DOCK5: variants seen among roughly 807,000 people sequenced by gnomAD.
DOCK5 encodes the protein dedicator of cytokinesis 5.
Under a neutral mutation model 251.8 loss-of-function variants are expected in DOCK5, and 142 were observed. The ratio of observed to expected loss-of-function variants is 0.56; its 90% CI spans 0.49 to 0.65. The LOEUF (loss-of-function observed/expected upper bound fraction) is 0.65, where lower values mean the gene tolerates loss of function less well. Among genes scored for constraint, DOCK5 ranks in the 30% least tolerant of loss-of-function variants. The pLI, the probability that DOCK5 is intolerant of heterozygous loss-of-function variation, is 0.00. For missense variants in DOCK5, 2,111 were observed against 2,312.3 expected (o/e 0.91, Z 1.79); for synonymous variants, 842 against 835.5 (o/e 1.01, Z -0.13).
rs1450296430 is a variant in DOCK5, at chr8:25,184,749, C to A, written c.-160C>A. ...CGGGCGGCGCGGGCACGGGCACGGG[C>A]GCGGGCGGCGCGGCGAGGAGGCGGC... On this transcript the variant is annotated 5_prime_UTR_variant, in exon 1 of 52. Coordinates refer to ENST00000276440, the MANE Select transcript of DOCK5 (RefSeq NM_024940.8). 7.7e-6 allele frequency: 4 copies of A among 519,062 alleles called. No individual in the cohort carries two copies. The highest frequency in any genetic ancestry group is 8.2e-6 in the Non-Finnish European group (3 of 365,564). 32.2% of individuals were successfully genotyped at this position (519,062 alleles called of 1,614,324 possible).
chr8:25,370,541 G>A (rs1410300828), intron 34 of DOCK5, among the ~76,000 whole-genome samples: 1 of 152,148 alleles, frequency 6.6e-6, no homozygotes, highest in Non-Finnish European at 1.5e-5. Context: ...GTCTCTCTCT[G>A]TTGCCCAGGC....
intron 48 of DOCK5, 114 bp downstream of exon 48, chr8:25,403,838 C>CTTCCTCATGACA: frequency 4.5e-6 from 5 of 1,102,722 alleles, no homozygotes; most frequent in Non-Finnish European, 5.2e-6. Flanking sequence ...TTCTCATTGT[C>CTTCCTCATGACA]TTCCTCATGA....
intron 45 of DOCK5, among the ~76,000 whole-genome samples, chr8:25,397,848 C>T (rs1377374635): frequency 3.3e-5 from 5 of 152,138 alleles, no homozygotes; most frequent in African/African-American, 9.7e-5. Flanking sequence ...TACATACATA[C>T]ATACGTACAT....
At chr8:25,402,205 G>A (rs1269730572) in intron 47 of DOCK5, among the ~76,000 whole-genome samples, 1 of 152,080 alleles carries the variant, frequency 6.6e-6, no homozygotes, top group African/African-American at 2.4e-5. Context: ...ACAGCTCACT[G>A]CAGCCTTGAC....
chr8:25,387,187 T>TC, intron 40 of DOCK5, among the ~76,000 whole-genome samples: 1 of 21,050 alleles, frequency 4.8e-5, no homozygotes, highest in Non-Finnish European at 1.2e-4. Flanking sequence ...GACCAGTGAC[T>TC]TTTTTTTTTT....
chr8:25,291,945 C>T lies in DOCK5; in HGVS notation c.322-79C>T, dbSNP rs1804499714. 7 of 1,283,290 alleles carry T rather than the reference C, an allele frequency of 5.5e-6. No individual in the cohort carries two copies. In the South Asian group the frequency reaches 1.3e-4, roughly 23 times the overall value. 79.5% of individuals were successfully genotyped at this position (1,283,290 alleles called of 1,614,324 possible). ...GTCTGACATTCCCGTTAAAAACAAA[C>T]AAATAAAAAAAGGATGTTCCCATCC... On this transcript the variant is annotated intron_variant, in intron 5 of 51. Transcript: ENST00000276440.
chr8:25,385,936 A>G (rs1365113245), intron 40 of DOCK5, among the ~76,000 whole-genome samples: 1 of 152,212 alleles, frequency 6.6e-6, no homozygotes, highest in Non-Finnish European at 1.5e-5. Context: ...CTATGCAGCT[A>G]TCAAGAGGTT....
rs151019643 is a variant in DOCK5, at chr8:25,319,657, G to C, written c.1523G>C (p.Cys508Ser). The change falls in exon 15 of 52, where the codon TGT (cysteine) becomes TCT (serine). Residue 508 changes from cysteine to serine, a missense_variant. Coordinates refer to ENST00000276440, the MANE Select transcript of DOCK5 (RefSeq NM_024940.8). ...SVVYYQVKQP[C>S]WYETVKVSIA... Reference sequence around the variant, plus strand: ...GTCTATTACCAAGTCAAGCAGCCCTGTTGGTATGAGACTGTCAAGGTGAGA... The same window carrying C: ...GTCTATTACCAAGTCAAGCAGCCCTCTTGGTATGAGACTGTCAAGGTGAGA... 9 of 1,585,384 alleles carry C rather than the reference G, an allele frequency of 5.7e-6. No homozygotes were observed. The African/African-American group carries it at 1.2e-4, about 21-fold the overall frequency.
At chr8:25,400,892 G>A in intron 46 of DOCK5, 37 bp from the exon 47 acceptor site, 1 of 1,611,504 alleles carries the variant, frequency 6.2e-7, no homozygotes, top group Non-Finnish European at 8.5e-7. Context: ...CCCTCTTCCT[G>A]AAGCACACTG....
Position 25,275,422 on chromosome 8 carries a change from G to T in DOCK5, c.205G>T (p.Ala69Ser). 6.2e-7 allele frequency: 1 copy of T among 1,610,370 alleles called. No homozygotes were observed. Among genetic ancestry groups the T allele is most frequent in the Non-Finnish European group, 8.5e-7 (1 of 1,178,912 alleles). Reference protein sequence around the residue: ...FPETYIHLKEATVEDLGQHET... With the variant: ...FPETYIHLKESTVEDLGQHET... ...TGAAACATATATCCATTTGAAAGAGGCAACTGTGGAAGACCTGGGGTAAGT... is the reference window on the plus strand; with the variant it reads ...TGAAACATATATCCATTTGAAAGAGTCAACTGTGGAAGACCTGGGGTAAGT... The change falls in exon 4 of 52, where the codon GCA (alanine) becomes TCA (serine). Residue 69 changes from alanine to serine, a missense_variant. Ala to Ser is a moderately conservative substitution (Grantham distance 99, BLOSUM62 1). This residue lies in a region of DOCK5 where 335 missense variants were observed against 324.9 expected (regional missense o/e 1.03). Transcript: ENST00000276440.
At chr8:25,206,683 T>G (rs1409420237) in intron 1 of DOCK5, among the ~76,000 whole-genome samples, 6 of 152,190 alleles carry the variant, frequency 3.9e-5, no homozygotes, top group African/African-American at 1.4e-4. Context: ...TGTCCCTGGA[T>G]GGACACACTA....
chr8:25,354,656 T>C (rs983324478), intron 27 of DOCK5, among the ~76,000 whole-genome samples: 9 of 151,904 alleles, frequency 5.9e-5, no homozygotes, highest in African/African-American at 2.2e-4. Context: ...GAGGGGAAAA[T>C]GTACAGACAG....
intron 38 of DOCK5, among the ~76,000 whole-genome samples, chr8:25,380,097 C>T (rs1486960300): frequency 6.6e-6 from 1 of 152,166 alleles, no homozygotes; most frequent in Non-Finnish European, 1.5e-5. Flanking sequence ...AGAAGACGCC[C>T]CTGGCAAAGC....
chr8:25,384,747 A>G (rs918680095), intron 40 of DOCK5, among the ~76,000 whole-genome samples: 11 of 151,952 alleles, frequency 7.2e-5, no homozygotes, highest in Non-Finnish European at 1.3e-4. Context: ...GGCATGAGCC[A>G]CCGTGCCCAG....
intron 47 of DOCK5, among the ~76,000 whole-genome samples, 174 bp from the exon 48 acceptor site, chr8:25,403,384 C>T (rs1367094394): frequency 6.6e-6 from 1 of 152,114 alleles, no homozygotes; most frequent in Admixed American, 6.6e-5. Context: ...AGTATCAGTA[C>T]ATGCAATATT....
intron 1 of DOCK5, among the ~76,000 whole-genome samples, chr8:25,196,368 A>T (rs544337314): frequency 1.3e-5 from 2 of 152,340 alleles, no homozygotes; most frequent in South Asian, 4.1e-4. Flanking sequence ...GAAACAAGAC[A>T]TTTAGATTCA....
chr8:25,200,419 CTATA>C (rs1348832700), intron 1 of DOCK5, among the ~76,000 whole-genome samples: 1 of 152,130 alleles, frequency 6.6e-6, no homozygotes, highest in African/African-American at 2.4e-5. Context: ...CAATGGAAAA[CTATA>C]TAGCCATTAA....
At chr8:25,402,557 A>G (rs572572035) in intron 47 of DOCK5, among the ~76,000 whole-genome samples, 45 of 151,918 alleles carry the variant, frequency 3.0e-4, no homozygotes, top group African/African-American at 9.7e-4. Flanking sequence ...CGGCCTCCCA[A>G]AGTGCTGGGA....
At chr8:25,356,582 G>T (rs1452511068) in intron 27 of DOCK5, among the ~76,000 whole-genome samples, 1 of 151,958 alleles carries the variant, frequency 6.6e-6, no homozygotes, top group Non-Finnish European at 1.5e-5. Flanking sequence ...TGTGAGGATC[G>T]CTTGAGCCCC....
Sources: allele counts gnomAD v4.1 joint callset (sites outside exome capture counted in the v4.1 genomes callset), GRCh38; gene constraint gnomAD v4.1.1; regional missense constraint gnomAD v4.1.1; transcripts MANE v1.5; gene names NCBI Gene and HGNC (gene_info 2026-07-23, HGNC 2026-07-21).